The following ANLN variants were observed in gnomAD, a reference collection of about 807,000 sequenced individuals.
ANLN encodes the protein anillin, actin binding protein, also known as anillin.
In ANLN, 59 loss-of-function variants were observed where a neutral mutation model predicts 135.1. The ratio of observed to expected loss-of-function variants is 0.44; its 90% CI spans 0.35 to 0.54. ANLN has a LOEUF of 0.54. ANLN is among the 20% of genes least tolerant of loss of function. The pLI is 0.00. For missense variants in ANLN, 1,182 were observed against 1,340.0 expected, an observed-to-expected ratio of 0.88 and a Z score of 1.84; for synonymous variants, 406 against 456.4, an observed-to-expected ratio of 0.89 and a Z score of 1.41.
At position 36,438,250 on chromosome 7, in the gene ANLN, A is replaced by G. The variant is rs911017195; in HGVS notation, c.2884-954A>G. On this transcript the variant is annotated intron_variant, in intron 20 of 23. Transcript: ENST00000265748. ...TTTGAAAAGGCTGCTCTTCCGCTTT[A>G]AATGGTCTTGGCATCCTTGGCAAAA... Among the ~76,000 whole-genome samples, 8 of 152,214 alleles carry G rather than the reference A, an allele frequency of 5.3e-5. No individual in the cohort carries two copies. The East Asian group carries it at 1.5e-3, about 29-fold the overall frequency.
At chr7:36,420,138 C>A in intron 10 of ANLN, 31 bp from the exon 11 acceptor site, 1 of 1,585,240 alleles carries the variant, frequency 6.3e-7, no homozygotes, top group Non-Finnish European at 8.6e-7. Context: ...CATTTAGGAT[C>A]AATGTTAATA....
intron 19 of ANLN, among the ~76,000 whole-genome samples, chr7:36,426,392 T>C (rs1160595622): frequency 6.6e-6 from 1 of 152,258 alleles, no homozygotes; most frequent in African/African-American, 2.4e-5. Context: ...CGTTGTATCA[T>C]GTCAGAAATG....
intron 20 of ANLN, among the ~76,000 whole-genome samples, chr7:36,435,872 CAAAAAAAA>C (rs57379889): frequency 1.9e-5 from 1 of 52,228 alleles, no homozygotes; most frequent in African/African-American, 8.8e-5. Context: ...GACTCCGTCT[CAAAAAAAA>C]AAAAAAAAAA....
chr7:36,400,239 A>G (rs1255955883), intron 3 of ANLN, among the ~76,000 whole-genome samples: 1 of 152,240 alleles, frequency 6.6e-6, no homozygotes, highest in Non-Finnish European at 1.5e-5. Context: ...TTTGGCAGTA[A>G]GAGCTGAGAG....
At chr7:36,426,109 A>G in intron 19 of ANLN, 73 bp downstream of exon 19, 1 of 1,067,374 alleles carries the variant, frequency 9.4e-7, no homozygotes, top group Non-Finnish European at 1.3e-6. Context: ...TTACATATAT[A>G]TAGGCCATCT....
chr7:36,421,771 C>A (rs1787885767), intron 12 of ANLN, 86 bp from the exon 13 acceptor site: 2 of 1,253,624 alleles, frequency 1.6e-6, no homozygotes, highest in Non-Finnish European at 1.1e-6. Context: ...AGAAACTATC[C>A]AATCAAGTTA....
At chr7:36,443,939 G>A (rs1172209665) in intron 22 of ANLN, 77 bp downstream of exon 22, 1 of 983,760 alleles carries the variant, frequency 1.0e-6, no homozygotes, top group Non-Finnish European at 1.5e-6. Context: ...GTTCCCTCTG[G>A]CCCCCATCAC....
intron 20 of ANLN, among the ~76,000 whole-genome samples, chr7:36,431,520 A>G (rs1456114938): frequency 6.8e-6 from 1 of 148,102 alleles, no homozygotes; most frequent in Non-Finnish European, 1.5e-5. Flanking sequence ...CTGTCTATCT[A>G]TCTATCTATC....
At chr7:36,392,913 A>G (rs2116485621) in intron 1 of ANLN, among the ~76,000 whole-genome samples, 1 of 152,368 alleles carries the variant, frequency 6.6e-6, no homozygotes, top group South Asian at 2.1e-4. Context: ...GAATGTGGGC[A>G]TGTCCACGAA....
At position 36,417,003 on chromosome 7, in the gene ANLN, AAC is replaced by A. The variant is rs997202237; in HGVS notation, c.1523-69_1523-68del. ...CATAGTTTTATAATCAGAAAAAAAA[AAC>A]ACACACAAGATTCCATAATTAGAAA... On this transcript the variant is annotated intron_variant, in intron 8 of 23. Coordinates refer to ENST00000265748, the MANE Select transcript of ANLN (RefSeq NM_018685.5). 1,033 of 722,668 alleles carry A rather than the reference AAC, an allele frequency of 1.4e-3. 2 individuals are homozygous for A. The highest frequency in any genetic ancestry group is 2.6e-3 in the Middle Eastern group (6 of 2,300). 44.8% of individuals were successfully genotyped at this position (722,668 alleles called of 1,614,324 possible). A position where few individuals can be genotyped will look rare whatever the true frequency, so the allele number is the denominator to read the frequency against.
intron 23 of ANLN, among the ~76,000 whole-genome samples, chr7:36,451,272 T>C (rs1277861144): frequency 1.3e-5 from 2 of 152,238 alleles, no homozygotes; most frequent in African/African-American, 4.8e-5. Context: ...TAACTAAGCT[T>C]GTTGTCAATG....
chr7:36,412,327 A>ATTT (rs1554343030), intron 7 of ANLN, among the ~76,000 whole-genome samples: 1 of 94,818 alleles, frequency 1.1e-5, no homozygotes, highest in African/African-American at 3.8e-5. Flanking sequence ...ATATATATAT[A>ATTT]TTTTTTTTTT....
chr7:36,418,008 A>G (rs923489544), intron 9 of ANLN, among the ~76,000 whole-genome samples: 4 of 152,168 alleles, frequency 2.6e-5, no homozygotes, highest in Admixed American at 2.6e-4. Flanking sequence ...ACCAGCTTCA[A>G]GCTGAGGTTT....
chr7:36,441,673 C>T (rs1338579699), intron 21 of ANLN, among the ~76,000 whole-genome samples: 2 of 152,182 alleles, frequency 1.3e-5, no homozygotes, highest in Non-Finnish European at 1.5e-5. Flanking sequence ...CCTCTGTTTC[C>T]TCAGCTATAG....
intron 21 of ANLN, among the ~76,000 whole-genome samples, chr7:36,443,485 T>C (rs1788862279): frequency 1.3e-5 from 2 of 149,426 alleles, no homozygotes; most frequent in Admixed American, 1.3e-4. Context: ...CACTATACTT[T>C]TTAAAAGTCT....
At chr7:36,397,825 C>T (rs527943212) in intron 2 of ANLN, among the ~76,000 whole-genome samples, 1 of 152,134 alleles carries the variant, frequency 6.6e-6, no homozygotes, top group Non-Finnish European at 1.5e-5. Context: ...GTGGGAGGAT[C>T]GCTTGAGCCC....
At chr7:36,445,158 A>ATTTTTT (rs1368592948) in intron 22 of ANLN, among the ~76,000 whole-genome samples, 2 of 24,596 alleles carry the variant, frequency 8.1e-5, no homozygotes, top group African/African-American at 2.7e-4. Flanking sequence ...CAGATTTGGG[A>ATTTTTT]TTCTTTTTTT....
In ANLN at chr7:36,402,216, A is replaced by G. The variant is rs79908722; in HGVS notation, c.487+2823A>G. 1.9e-4 allele frequency among the ~76,000 whole-genome samples: 22 copies of G among 113,660 alleles called. 1 individual carries two copies. In the South Asian group the frequency reaches 4.6e-3, roughly 24 times the overall value. 74.6% of individuals were successfully genotyped at this position (113,660 alleles called of 152,430 possible). A position where few individuals can be genotyped will look rare whatever the true frequency, so the allele number is the denominator to read the frequency against. ...AACTTCTGCCTTCCAGGTTCAAGCA[A>G]TTCTCCTGCCTCAGCCTCCTGAGTA... is the stretch of plus-strand genomic sequence containing the variant. On this transcript the variant is annotated intron_variant, in intron 3 of 23. Coordinates refer to ENST00000265748, the MANE Select transcript of ANLN (RefSeq NM_018685.5).
At position 36,411,444 on chromosome 7, in the gene ANLN, A is replaced by C. The variant is rs75047581; in HGVS notation, c.1395+278A>C. ...TTCATTTGATTTCAGAGTCTACTTA[A>C]TATTCCACTTAGATGGTGGTTCTAA... On this transcript the variant is annotated intron_variant, in intron 7 of 23. Transcript: ENST00000265748. Among the ~76,000 whole-genome samples, 375 of 152,332 alleles carry C rather than the reference A, an allele frequency of 2.5e-3. 1 individual carries two copies. The highest frequency in any genetic ancestry group is 8.6e-3 in the African/African-American group (358 of 41,576).
Sources: allele counts gnomAD v4.1 joint callset (sites outside exome capture counted in the v4.1 genomes callset), GRCh38; gene constraint gnomAD v4.1.1; transcripts MANE v1.5; gene names NCBI Gene and HGNC (gene_info 2026-07-23, HGNC 2026-07-21).